GPC5: variants seen among roughly 807,000 people sequenced by gnomAD.
GPC5 encodes the protein glypican-5.
GPC5 carries 47 observed loss-of-function variants against 53.9 expected under a neutral mutation model. That is an observed-to-expected ratio of 0.87 (90% CI 0.69 to 1.11). The LOEUF (loss-of-function observed/expected upper bound fraction) is 1.11. Ranked by LOEUF, GPC5 falls within the 50% of genes most tolerant of loss-of-function variation. The pLI is 0.00. For synonymous variants in GPC5, 286 were observed against 263.3 expected (o/e 1.09, Z -0.84); for missense variants, 748 against 713.1 (o/e 1.05, Z -0.56).
intron 2 of GPC5, among the ~76,000 whole-genome samples, chr13:91,510,035 C>T (rs915961248): frequency 2.0e-5 from 3 of 152,048 alleles, no homozygotes; most frequent in Admixed American, 6.6e-5. Flanking sequence ...TCTGTTTATA[C>T]ATTCTTACAT....
chr13:91,715,692 C>T (rs1013145700), intron 3 of GPC5, among the ~76,000 whole-genome samples: 5 of 150,664 alleles, frequency 3.3e-5, no homozygotes, highest in African/African-American at 1.2e-4. Context: ...AATTTAAATA[C>T]CACACATGAT....
intron 5 of GPC5, among the ~76,000 whole-genome samples, chr13:91,830,922 CTA>C (rs1470597963): frequency 3.2e-4 from 40 of 124,590 alleles, no homozygotes; most frequent in Non-Finnish European, 3.1e-4. Context: ...AATATATATC[CTA>C]TTATATATTA....
At chr13:91,781,351 T>C in intron 5 of GPC5, among the ~76,000 whole-genome samples, 1 of 152,260 alleles carries the variant, frequency 6.6e-6, no homozygotes, top group East Asian at 1.9e-4. Context: ...GCGTATGCTG[T>C]ACTGAGAATA....
At chr13:92,844,184 G>C (rs533458820) in intron 7 of GPC5, among the ~76,000 whole-genome samples, 2 of 152,148 alleles carry the variant, frequency 1.3e-5, no homozygotes, top group South Asian at 4.2e-4. Context: ...TTTTAACAGA[G>C]ACTCCATTTT....
chr13:91,627,382 G>A (rs959609040), intron 2 of GPC5, among the ~76,000 whole-genome samples: 1 of 150,472 alleles, frequency 6.6e-6, no homozygotes, highest in African/African-American at 2.5e-5. Flanking sequence ...TGTGAGAAAT[G>A]GTATCACTTT....
At chr13:92,147,944 A>G (rs1206024510) in intron 7 of GPC5, among the ~76,000 whole-genome samples, 2 of 152,062 alleles carry the variant, frequency 1.3e-5, no homozygotes, top group Non-Finnish European at 2.9e-5. Flanking sequence ...AAAGCAAGTT[A>G]AGGCATAGTT....
intron 6 of GPC5, among the ~76,000 whole-genome samples, chr13:91,982,019 C>T (rs1354568118): frequency 6.6e-6 from 1 of 152,158 alleles, no homozygotes; most frequent in Non-Finnish European, 1.5e-5. Context: ...ATGAAGGTTC[C>T]TCGCTTGCTG....
At chr13:91,549,046 G>A (rs903213108) in intron 2 of GPC5, among the ~76,000 whole-genome samples, 3 of 152,052 alleles carry the variant, frequency 2.0e-5, no homozygotes, top group African/African-American at 4.8e-5. Context: ...CAAGGTGGTC[G>A]GATCACTAGG....
chr13:92,385,505 T>TGC (rs1566567727), intron 7 of GPC5, among the ~76,000 whole-genome samples: 5 of 137,286 alleles, frequency 3.6e-5, no homozygotes, highest in East Asian at 2.0e-4. Flanking sequence ...TACATACATA[T>TGC]ACATATATAC....
At chr13:91,663,239 A>G (rs1437856936) in intron 2 of GPC5, among the ~76,000 whole-genome samples, 3 of 152,114 alleles carry the variant, frequency 2.0e-5, no homozygotes, top group African/African-American at 4.8e-5. Flanking sequence ...GATTCCTAAT[A>G]TTTTGCCAGG....
chr13:92,189,412 TG>T (rs948175904), intron 7 of GPC5, among the ~76,000 whole-genome samples: 2 of 152,054 alleles, frequency 1.3e-5, no homozygotes, highest in African/African-American at 4.8e-5. Context: ...CCACCTTAGT[TG>T]GGGACAATGA....
At chr13:92,701,707 A>G (rs926339978) in intron 7 of GPC5, among the ~76,000 whole-genome samples, 2 of 150,870 alleles carry the variant, frequency 1.3e-5, no homozygotes, top group African/African-American at 2.5e-5. Flanking sequence ...CATTTCTTGT[A>G]TATTTCACAA....
intron 3 of GPC5, among the ~76,000 whole-genome samples, chr13:91,713,643 T>C (rs1014909763): frequency 8.5e-5 from 13 of 152,186 alleles, no homozygotes; most frequent in Non-Finnish European, 1.6e-4. Flanking sequence ...ACCAGCTTTC[T>C]ACTTGACACT....
chr13:91,548,635 C>T (rs1176498973), intron 2 of GPC5, among the ~76,000 whole-genome samples: 2 of 152,082 alleles, frequency 1.3e-5, no homozygotes, highest in African/African-American at 2.4e-5. Context: ...GCAGAAGATC[C>T]AGAATAGTCA....
chr13:91,736,968 A>ATT lies in GPC5; in HGVS notation c.1154+8304_1154+8305dup, dbSNP rs150498088. Among the ~76,000 whole-genome samples, 4 of 150,324 alleles carry ATT rather than the reference A, an allele frequency of 2.7e-5. 1 individual carries two copies. The highest frequency in any genetic ancestry group is 5.0e-5 in the African/African-American group (2 of 39,962). ...ACTTCAGATTATTATTATTATTATT[A>ATT]TTATTTTTGATGGTAGTCCCAGCTA... On this transcript the variant is annotated intron_variant, in intron 4 of 7. Transcript: ENST00000377067.
chr13:91,692,866 A>T (rs144922026), intron 2 of GPC5, among the ~76,000 whole-genome samples: 42 of 152,246 alleles, frequency 2.8e-4, no homozygotes, highest in Non-Finnish European at 5.4e-4. Context: ...CTGGTCTCGA[A>T]CTCTTACCCT....
At chr13:92,512,426 G>A (rs1594263579) in intron 7 of GPC5, among the ~76,000 whole-genome samples, 1 of 151,978 alleles carries the variant, frequency 6.6e-6, no homozygotes, top group South Asian at 2.1e-4. Context: ...AGATTTTAAG[G>A]ATAGTATGTG....
chr13:92,115,804 A>AC (rs1014226301), intron 6 of GPC5, among the ~76,000 whole-genome samples: 3 of 151,678 alleles, frequency 2.0e-5, no homozygotes, highest in Non-Finnish European at 2.9e-5. Flanking sequence ...ATTGTGGTGC[A>AC]CCCCCCACCC....
intron 2 of GPC5, among the ~76,000 whole-genome samples, chr13:91,551,876 T>C (rs757253808): frequency 3.3e-5 from 5 of 152,074 alleles, no homozygotes; most frequent in East Asian, 1.9e-4. Context: ...CAAAGCTGTT[T>C]ATATTGAGGC....
Sources: gnomAD v4.1 joint callset for allele counts (sites outside exome capture counted in the v4.1 genomes callset) on GRCh38, gnomAD v4.1.1 for gene constraint, MANE v1.5 for transcripts, NCBI Gene and HGNC (gene_info 2026-07-23, HGNC 2026-07-21) for gene names.